CORO7: variants seen among roughly 807,000 people sequenced by gnomAD.
CORO7 encodes the protein coronin-7.
Under a neutral mutation model 126.6 loss-of-function variants are expected in CORO7, and 107 were observed. The ratio of observed to expected loss-of-function variants is 0.85; its 90% confidence interval spans 0.72 to 0.99. The LOEUF (loss-of-function observed/expected upper bound fraction) is 0.99. Ranked by LOEUF, CORO7 falls within the 50% of genes least tolerant of loss-of-function variation. CORO7 has a pLI of 0.00. For synonymous variants in CORO7, 603 were observed against 536.8 expected, an observed-to-expected ratio of 1.12 and a Z score of -1.70; for missense variants, 1,314 against 1,255.8, an observed-to-expected ratio of 1.05 and a Z score of -0.70.
chr16:4,360,310 A>G lies in CORO7; in HGVS notation c.2076T>C (p.Asp692=). ...GRGARIVWVC[D]GRCLLVSGFD... is the part of the protein sequence containing the mutation. ...AGCCAGACACCAGCAGACAGCGACC[A>G]TCACATACCCAGACAATGCGAGCTC... Residue 692 remains aspartate, a synonymous_variant, in exon 21 of 28, where the codon GAT becomes GAC. Transcript: ENST00000251166. 6.2e-7 allele frequency: 1 copy of G among 1,613,668 alleles called. No homozygotes were observed. The highest frequency in any genetic ancestry group is 2.2e-5 in the East Asian group (1 of 44,852).
chr16:4,356,864 C>G (rs2053992978), intron 26 of CORO7: 1 of 427,178 alleles, frequency 2.3e-6, no homozygotes, highest in Non-Finnish European at 4.3e-6. Context: ...GGGCTACTAT[C>G]TCTGCACATG....
chr16:4,367,974 G>A (rs1424130919), intron 9 of CORO7, among the ~76,000 whole-genome samples: 7 of 152,218 alleles, frequency 4.6e-5, no homozygotes, highest in African/African-American at 1.7e-4. Context: ...TGAGGTGGGA[G>A]AATCACTTGA....
intron 9 of CORO7, among the ~76,000 whole-genome samples, chr16:4,377,488 A>C (rs1013394319): frequency 1.9e-4 from 29 of 152,166 alleles, no homozygotes; most frequent in African/African-American, 6.5e-4. Context: ...TCCCCATTTG[A>C]AAACAAACAG....
intron 1 of CORO7, 148 bp downstream of exon 1, chr16:4,416,311 G>T (rs747786527): frequency 1.7e-6 from 2 of 1,182,952 alleles, no homozygotes; most frequent in East Asian, 6.4e-5. Flanking sequence ...CCGGACGCCG[G>T]GGCCCTGGCC....
intron 27 of CORO7, 49 bp from the exon 28 acceptor site, chr16:4,355,212 G>A (rs768810996): frequency 4.4e-6 from 7 of 1,586,804 alleles, no homozygotes; most frequent in Non-Finnish European, 6.0e-6. Flanking sequence ...GGCCTGGGAA[G>A]GGAGGAGGCA....
chr16:4,360,626 T>C, intron 19 of CORO7, 78 bp from the exon 20 acceptor site: 1 of 1,509,942 alleles, frequency 6.6e-7, no homozygotes, highest in Non-Finnish European at 8.9e-7. Context: ...CTGCCCCTCC[T>C]CACTGCTGGC....
intron 13 of CORO7, 39 bp from the exon 14 acceptor site, chr16:4,364,452 C>T (rs763216144): frequency 5.4e-6 from 8 of 1,483,606 alleles, no homozygotes; most frequent in Non-Finnish European, 7.2e-6. Context: ...GGGGCATGGG[C>T]TGCCCGGTCA....
intron 25 of CORO7, 57 bp from the exon 26 acceptor site, chr16:4,357,316 C>A: frequency 2.0e-6 from 3 of 1,480,068 alleles, no homozygotes; most frequent in Non-Finnish European, 2.7e-6. Flanking sequence ...CTCTTTGGTG[C>A]CAAGCCCTCG....
intron 16 of CORO7, chr16:4,361,737 T>A (rs1433102410): frequency 1.4e-5 from 11 of 804,548 alleles, no homozygotes; most frequent in Non-Finnish European, 2.3e-5. Flanking sequence ...GGATCCCAGC[T>A]CCACCACTTA....
chr16:4,355,190 G>C, intron 27 of CORO7, 27 bp from the exon 28 acceptor site: 8 of 1,564,652 alleles, frequency 5.1e-6, no homozygotes, highest in Non-Finnish European at 6.9e-6. Flanking sequence ...AGAGGTGGGA[G>C]GGAGTCAGGA....
rs751788527 is a variant in CORO7, at chr16:4,381,323, G to A, written c.785+6663C>T. On this transcript the variant is annotated intron_variant, in intron 9 of 27. Coordinates refer to ENST00000251166, the MANE Select transcript of CORO7 (RefSeq NM_024535.5). ...CCTGGTGCCTTCGACACGCTCGACC[G>A]CCTCCTGGAGCTCAAGCTGCAGGAC... 83 of 1,610,572 alleles carry A rather than the reference G, an allele frequency of 5.2e-5. No homozygotes were observed. Among genetic ancestry groups the A allele is most frequent in the Non-Finnish European group, 6.4e-5 (76 of 1,179,144 alleles).
At chr16:4,381,728 C>T (rs373081245) in intron 9 of CORO7, 39 of 1,605,900 alleles carry the variant, frequency 2.4e-5, no homozygotes, top group Admixed American at 1.3e-4. Context: ...GGCGACCTCT[C>T]GGGCCTCTTC....
rs537098916 is a variant in CORO7 at position 4,381,930 on chromosome 16, C to T, written c.785+6056G>A. ...ACTACGCCGACTTTGGCTGCCCAGC[C>T]ACCACCACCACAGCCACAGTGCCCA... On this transcript the variant is annotated intron_variant, in intron 9 of 27. Transcript: ENST00000251166. 4 of 1,605,960 alleles carry T rather than the reference C, an allele frequency of 2.5e-6. No individual in the cohort carries two copies. The African/African-American group carries it at 4.0e-5, about 16-fold the overall frequency.
At chr16:4,383,543 C>T (rs748239302) in intron 9 of CORO7, 3 of 166,898 alleles carry the variant, frequency 1.8e-5, no homozygotes, top group Non-Finnish European at 4.4e-5. Context: ...GGCTCAGCCC[C>T]AGGGTAGAAG....
intron 26 of CORO7, among the ~76,000 whole-genome samples, chr16:4,356,210 C>G (rs1333674743): frequency 6.6e-6 from 1 of 152,112 alleles, no homozygotes; most frequent in African/African-American, 2.4e-5. Context: ...TCCTCGGCCT[C>G]CCAAAGTGCT....
rs181430309 is a variant in CORO7, at chr16:4,409,834, C to G, written c.233-1583G>C. On this transcript the variant is annotated intron_variant, in intron 3 of 27. Transcript: ENST00000251166. ...GAAGGGGCCTCTGAAGGCAGGGCAACAGCCAGAGCCCCACCTGGCCATTTC... is the reference window on the plus strand; with the variant it reads ...GAAGGGGCCTCTGAAGGCAGGGCAAGAGCCAGAGCCCCACCTGGCCATTTC... Among the ~76,000 whole-genome samples the G allele has an allele frequency of 2.2e-3, 338 of 152,368 alleles. 1 individual carries two copies. Among genetic ancestry groups the G allele is most frequent in the African/African-American group, 7.7e-3 (322 of 41,584 alleles).
intron 7 of CORO7, among the ~76,000 whole-genome samples, chr16:4,392,078 T>G: frequency 6.6e-6 from 1 of 151,746 alleles, no homozygotes; most frequent in African/African-American, 2.4e-5. Flanking sequence ...TCCTCTGAGG[T>G]TCACCACCCC....
intron 9 of CORO7, among the ~76,000 whole-genome samples, chr16:4,385,430 C>T (rs1475605617): frequency 6.6e-6 from 1 of 152,138 alleles, no homozygotes; most frequent in Admixed American, 6.5e-5. Context: ...ATACAGTTCA[C>T]CCAGCCCCCT....
intron 6 of CORO7, 80 bp downstream of exon 6, chr16:4,405,411 C>T (rs937264350): frequency 2.0e-6 from 3 of 1,490,902 alleles, no homozygotes; most frequent in Non-Finnish European, 9.0e-7. Context: ...AAACAACAAG[C>T]CTGGAAGGCC....
Sources: gnomAD v4.1 joint callset for allele counts (sites outside exome capture counted in the v4.1 genomes callset) on GRCh38, gnomAD v4.1.1 for gene constraint, MANE v1.5 for transcripts, NCBI Gene and HGNC (gene_info 2026-07-23, HGNC 2026-07-21) for gene names.